SASH1: variants seen among roughly 807,000 people sequenced by gnomAD.
SASH1 encodes the protein SAM and SH3 domain-containing protein 1.
SASH1 carries 44 observed loss-of-function variants against 125.2 expected under a neutral mutation model. That is an observed-to-expected ratio of 0.35 (90% CI 0.28 to 0.45). SASH1 has a LOEUF of 0.45. Ranked by LOEUF, SASH1 falls within the 20% of genes least tolerant of loss-of-function variation. SASH1 has a pLI of 1.00. For missense variants in SASH1, 1,426 were observed against 1,614.5 expected (o/e 0.88, Z 2.00); for synonymous variants, 639 against 649.1 (o/e 0.98, Z 0.24).
Position 148,419,924 on chromosome 6 carries a change from A to G in SASH1, c.286-20260A>G, listed in dbSNP as rs370392923. Among the ~76,000 whole-genome samples, 34 of 152,350 alleles carry G rather than the reference A, an allele frequency of 2.2e-4. No homozygotes were observed. In the East Asian group the frequency reaches 6.0e-3, roughly 27 times the overall value. ...CTTTAATTCTTCCTTTTCATGCTAC[A>G]GGAAAGGAGAGTTCAACAAGGTGTT... On this transcript the variant is annotated intron_variant, in intron 2 of 19. Coordinates refer to ENST00000367467, the MANE Select transcript of SASH1 (RefSeq NM_015278.5).
chr6:148,199,711 A>G, the SASH1 span, among the ~76,000 whole-genome samples: 1 of 151,762 alleles, frequency 6.6e-6, no homozygotes, highest in Non-Finnish European at 1.5e-5. Context: ...AAAAGAAAAG[A>G]GAAAGAAAGG....
At chr6:148,485,788 C>G (rs1415247629) in intron 7 of SASH1, among the ~76,000 whole-genome samples, 5 of 152,172 alleles carry the variant, frequency 3.3e-5, no homozygotes, top group Non-Finnish European at 5.9e-5. Flanking sequence ...GTGGCGCTAC[C>G]ACATCCTCAA....
At chr6:148,287,993 TC>T in intron 1 of SASH1, among the ~76,000 whole-genome samples, 1 of 152,346 alleles carries the variant, frequency 6.6e-6, no homozygotes, top group South Asian at 2.1e-4. Context: ...TCAAAGCAAG[TC>T]CACTTTTTTG....
At chr6:148,350,615 CGTGT>C (rs1036901221) in intron 1 of SASH1, among the ~76,000 whole-genome samples, 1 of 152,288 alleles carries the variant, frequency 6.6e-6, no homozygotes, top group Middle Eastern at 3.4e-3. Flanking sequence ...CTGATTGTTT[CGTGT>C]CTAAGACTTG....
At chr6:148,469,545 C>T (rs183929505) in intron 5 of SASH1, among the ~76,000 whole-genome samples, 3 of 152,074 alleles carry the variant, frequency 2.0e-5, no homozygotes, top group East Asian at 3.9e-4. Flanking sequence ...CTGACCTGGG[C>T]AACATAGCAA....
the SASH1 span, among the ~76,000 whole-genome samples, chr6:148,233,785 C>T: frequency 3.4e-5 from 4 of 117,584 alleles, no homozygotes; most frequent in Non-Finnish European, 7.4e-5. Context: ...TGGTGGCACA[C>T]ACCTGCATTC....
chr6:148,205,060 A>G, the SASH1 span, among the ~76,000 whole-genome samples: 1 of 152,046 alleles, frequency 6.6e-6, no homozygotes, highest in Non-Finnish European at 1.5e-5. Flanking sequence ...CTAATTTCCA[A>G]CTTGTATCAG....
At chr6:148,309,103 A>AAAAT (rs60194902) in intron 1 of SASH1, among the ~76,000 whole-genome samples, 1 of 143,608 alleles carries the variant, frequency 7.0e-6, no homozygotes, top group Non-Finnish European at 1.5e-5. Flanking sequence ...AAAAAAAAAA[A>AAAAT]GATTCTCTTT....
At chr6:148,453,929 C>T (rs1777218944) in intron 4 of SASH1, among the ~76,000 whole-genome samples, 1 of 152,166 alleles carries the variant, frequency 6.6e-6, no homozygotes, top group South Asian at 2.1e-4. Context: ...TGCTTTTGAC[C>T]TCATGCATCA....
At chr6:148,512,924 G>A (rs988966964) in intron 8 of SASH1, 1 of 985,400 alleles carries the variant, frequency 1.0e-6, no homozygotes, top group African/African-American at 1.7e-5. Context: ...CAGGGAGAAA[G>A]TACCATGGCT....
chr6:148,356,494 C>CTTTTTTTTTTTTTTTT lies in SASH1; in HGVS notation c.156+13276_156+13291dup, dbSNP rs57183555. ...TCAAATGGTAGATCTACTTTTAGTT[C>CTTTTTTTTTTTTTTTT]TTTTTTTTTTTTTTTTTTTTGAGAC... On this transcript the variant is annotated intron_variant, in intron 1 of 19. Coordinates refer to ENST00000367467, the MANE Select transcript of SASH1 (RefSeq NM_015278.5). Among the ~76,000 whole-genome samples, 30 of 116,280 alleles carry CTTTTTTTTTTTTTTTT rather than the reference C, an allele frequency of 2.6e-4. 2 individuals carry two copies. Among genetic ancestry groups the CTTTTTTTTTTTTTTTT allele is most frequent in the African/African-American group, 5.3e-4 (16 of 29,958 alleles). The allele number at this position is 116,280 out of a possible 152,430, so 76.3% of individuals were successfully genotyped here. A position where few individuals can be genotyped will look rare whatever the true frequency, so the allele number is the denominator to read the frequency against.
chr6:148,532,816 CACT>C lies in SASH1; in HGVS notation c.1585_1587del (p.Thr529del). ...GTACAGGCGGTCAAACAGTGAGCAC[CACT>C]GATTCCTCAACCAGCAACCGGGAAA... On this transcript the variant is annotated inframe_deletion, in exon 14 of 20. Coordinates refer to ENST00000367467, the MANE Select transcript of SASH1 (RefSeq NM_015278.5). This position sits in a 1 kb window ranked among gnomAD's most constrained non-coding sequence, Gnocchi z 4.7. The C allele has an allele frequency of 6.2e-7, 1 of 1,614,204 alleles. No individual in the cohort carries two copies. The highest frequency in any genetic ancestry group is 8.5e-7 in the Non-Finnish European group (1 of 1,180,036).
chr6:148,499,206 A>G (rs1779460159), intron 8 of SASH1, among the ~76,000 whole-genome samples: 1 of 151,694 alleles, frequency 6.6e-6, no homozygotes, highest in African/African-American at 2.4e-5. Flanking sequence ...AACACAACCA[A>G]ATTTTTTTAC....
intron 7 of SASH1, among the ~76,000 whole-genome samples, chr6:148,481,853 T>C (rs1302051364): frequency 6.6e-6 from 1 of 152,116 alleles, no homozygotes; most frequent in Non-Finnish European, 1.5e-5. Context: ...GGACTCAGAG[T>C]GAGCCTGTGC....
intron 7 of SASH1, among the ~76,000 whole-genome samples, chr6:148,481,235 GAGTT>G: frequency 6.6e-6 from 1 of 152,096 alleles, no homozygotes; most frequent in East Asian, 1.9e-4. Context: ...GAACTGAAAA[GAGTT>G]AGGGCCTTGC....
chr6:148,461,566 C>T (rs1007253391), intron 4 of SASH1, among the ~76,000 whole-genome samples: 2 of 152,144 alleles, frequency 1.3e-5, no homozygotes, highest in Non-Finnish European at 2.9e-5. Flanking sequence ...AACTCACTCC[C>T]TGCACCTGCC....
At chr6:148,287,939 A>G (rs1346129374) in intron 1 of SASH1, among the ~76,000 whole-genome samples, 1 of 152,198 alleles carries the variant, frequency 6.6e-6, no homozygotes, top group Non-Finnish European at 1.5e-5. Context: ...TCCTCTCTGG[A>G]AAAAGTAGGG....
chr6:148,449,783 G>T (rs189637066), intron 4 of SASH1, among the ~76,000 whole-genome samples: 8 of 152,168 alleles, frequency 5.3e-5, no homozygotes, highest in African/African-American at 1.7e-4. Flanking sequence ...GGGGAGGGCC[G>T]TCCTGTGGGG....
chr6:148,304,396 C>G (rs1178982834), intron 1 of SASH1, among the ~76,000 whole-genome samples: 1 of 150,270 alleles, frequency 6.7e-6, no homozygotes, highest in Non-Finnish European at 1.5e-5. Context: ...GATCGCGCCA[C>G]TGCACTCCAG....
Sources: allele counts gnomAD v4.1 joint callset (sites outside exome capture counted in the v4.1 genomes callset), GRCh38; gene constraint gnomAD v4.1.1; non-coding constraint Gnocchi (gnomAD v3.1); transcripts MANE v1.5; gene names NCBI Gene and HGNC (gene_info 2026-07-23, HGNC 2026-07-21).